FNDC3B: variants seen among roughly 807,000 people sequenced by gnomAD.
FNDC3B encodes fibronectin type III domain-containing protein 3B.
Under a neutral mutation model 151.5 loss-of-function variants are expected in FNDC3B, and 12 were observed. That is an observed-to-expected ratio of 0.08 (90% CI 0.05 to 0.13). The LOEUF is 0.13. Ranked by LOEUF, FNDC3B falls within the 10% of genes least tolerant of loss-of-function variation. The pLI, the probability that FNDC3B is intolerant of heterozygous loss-of-function variation, is 1.00. For synonymous variants in FNDC3B, 528 were observed against 549.0 expected (o/e 0.96, Z 0.54); for missense variants, 1,214 against 1,505.3 (o/e 0.81, Z 3.20).
rs189931064 is a variant in FNDC3B at position 172,291,485 on chromosome 3, A to G, written c.850-3878A>G. On this transcript the variant is annotated intron_variant, in intron 7 of 25. Transcript: ENST00000415807. ...AGGAATGATTTATAATTAGTATGTG[A>G]CCACTTAGTAGTAGGAAGTAATTTT... Among the ~76,000 whole-genome samples the G allele has an allele frequency of 2.7e-3, 404 of 152,324 alleles. 5 individuals carry two copies. Among genetic ancestry groups the G allele is most frequent in the Middle Eastern group, 0.01 (3 of 294 alleles).
At chr3:172,154,612 C>T (rs566569774) in intron 3 of FNDC3B, among the ~76,000 whole-genome samples, 39 of 152,222 alleles carry the variant, frequency 2.6e-4, no homozygotes, top group Middle Eastern at 3.4e-3. Context: ...GCAGAGAGGC[C>T]GGAGCCCAGC....
chr3:172,289,833 T>TTA lies in FNDC3B; in HGVS notation c.849+3849_849+3850insTA, dbSNP rs1405572051. ...CAATCTGGCACTCTGGGTTGGGACTTGCATTGGCTGTTACCTGTCTTTGTG... is the reference window on the plus strand; with the variant it reads ...CAATCTGGCACTCTGGGTTGGGACTTTAGCATTGGCTGTTACCTGTCTTTGTG... On this transcript the variant is annotated intron_variant, in intron 7 of 25. Transcript: ENST00000415807. 9.2e-5 allele frequency among the ~76,000 whole-genome samples: 14 copies of TTA among 152,350 alleles called. No individual in the cohort carries two copies. In the East Asian group the frequency reaches 2.7e-3, roughly 29 times the overall value.
chr3:172,346,506 T>C, intron 20 of FNDC3B, 66 bp downstream of exon 20: 1 of 980,232 alleles, frequency 1.0e-6, no homozygotes, highest in Non-Finnish European at 1.6e-6. Flanking sequence ...CAAATACCAA[T>C]TATAAGGAAG....
At chr3:172,249,130 T>G (rs895115532) in intron 5 of FNDC3B, among the ~76,000 whole-genome samples, 8 of 152,170 alleles carry the variant, frequency 5.3e-5, no homozygotes, top group African/African-American at 1.9e-4. Flanking sequence ...TTCAGTGCTT[T>G]GACTCAACAT....
intron 1 of FNDC3B, among the ~76,000 whole-genome samples, chr3:172,076,599 CTTA>C (rs1718022314): frequency 6.6e-6 from 1 of 152,100 alleles, no homozygotes; most frequent in African/African-American, 2.4e-5. Context: ...TGTTGTTTCC[CTTA>C]TTATTTTTAA....
At chr3:172,127,710 G>C (rs1289428462) in intron 2 of FNDC3B, among the ~76,000 whole-genome samples, 4 of 152,222 alleles carry the variant, frequency 2.6e-5, no homozygotes, top group African/African-American at 9.6e-5. Flanking sequence ...TTTTGAGACA[G>C]TCTCACTGTG....
At chr3:172,361,608 T>G (rs182752941) in intron 22 of FNDC3B, among the ~76,000 whole-genome samples, 2 of 152,320 alleles carry the variant, frequency 1.3e-5, no homozygotes, top group Non-Finnish European at 2.9e-5. Context: ...TGACCACTTA[T>G]TCAGTGTCTA....
intron 7 of FNDC3B, among the ~76,000 whole-genome samples, chr3:172,293,298 T>G (rs9846921): frequency 0.29 from 44,214 of 151,724 alleles, 7,562 homozygotes; most frequent in African/African-American, 0.46. Context: ...ATCCTGGAGG[T>G]TTGGTCACAG....
At chr3:172,178,565 C>T (rs1723725767) in intron 3 of FNDC3B, among the ~76,000 whole-genome samples, 1 of 152,120 alleles carries the variant, frequency 6.6e-6, no homozygotes, top group Non-Finnish European at 1.5e-5. Flanking sequence ...TAAAGCTTGG[C>T]ATTGGTTTAG....
At chr3:172,150,606 CT>C (rs894510760) in intron 3 of FNDC3B, among the ~76,000 whole-genome samples, 6 of 150,730 alleles carry the variant, frequency 4.0e-5, no homozygotes, top group African/African-American at 1.5e-4. Flanking sequence ...ATGCATCATT[CT>C]TTTTTTTTAA....
In FNDC3B at chr3:172,196,795, A is replaced by G. The variant is rs964635825; in HGVS notation, c.188-30076A>G. Among the ~76,000 whole-genome samples, 4 of 152,210 alleles carry G rather than the reference A, an allele frequency of 2.6e-5. No homozygotes were observed. In the East Asian group the frequency reaches 7.7e-4, roughly 29 times the overall value. On this transcript the variant is annotated intron_variant, in intron 3 of 25. Transcript: ENST00000415807. ...TTTCGCTTTTTCTTGTCCAAAGAAG[A>G]CAGCCGGAGCTCTCAGAGTAAGTGA... is the stretch of plus-strand genomic sequence containing the variant.
At chr3:172,198,115 T>C (rs1409238265) in intron 3 of FNDC3B, among the ~76,000 whole-genome samples, 2 of 152,244 alleles carry the variant, frequency 1.3e-5, no homozygotes, top group Admixed American at 6.5e-5. Context: ...GCTTTTAACA[T>C]GTCCTCTTCA....
intron 4 of FNDC3B, among the ~76,000 whole-genome samples, chr3:172,244,250 CA>C (rs1727657014): frequency 6.6e-6 from 1 of 152,106 alleles, no homozygotes; most frequent in Admixed American, 6.5e-5. Context: ...TTTCCTACAC[CA>C]CAAAAGGAAA....
At chr3:172,316,000 C>CTTTTTT (rs555242809) in intron 11 of FNDC3B, among the ~76,000 whole-genome samples, 325 of 79,666 alleles carry the variant, frequency 4.1e-3, no homozygotes, top group Non-Finnish European at 6.3e-3. Context: ...CTTTCTTCTT[C>CTTTTTT]TTTTTTTTTT....
At chr3:172,355,306 G>A (rs1360605598) in intron 22 of FNDC3B, among the ~76,000 whole-genome samples, 2 of 152,102 alleles carry the variant, frequency 1.3e-5, no homozygotes, top group African/African-American at 4.8e-5. Flanking sequence ...AGTGACAGGG[G>A]CAGTGGTTCT....
chr3:172,214,328 A>G (rs1576804228), intron 3 of FNDC3B, among the ~76,000 whole-genome samples: 1 of 152,220 alleles, frequency 6.6e-6, no homozygotes, highest in Non-Finnish European at 1.5e-5. Context: ...GACTGGAACT[A>G]TATACATCAA....
chr3:172,364,908 G>A (rs1389406846), intron 23 of FNDC3B, among the ~76,000 whole-genome samples: 1 of 152,180 alleles, frequency 6.6e-6, no homozygotes, highest in East Asian at 1.9e-4. Context: ...AATTAGATTT[G>A]TCAGTGCTCT....
At chr3:172,109,244 C>A (rs1163470497) in intron 1 of FNDC3B, among the ~76,000 whole-genome samples, 2 of 149,966 alleles carry the variant, frequency 1.3e-5, no homozygotes, top group Non-Finnish European at 3.0e-5. Flanking sequence ...CGGCTCCCTG[C>A]AAGCTCCGCC....
intron 1 of FNDC3B, among the ~76,000 whole-genome samples, chr3:172,086,985 C>T (rs1718577527): frequency 6.6e-6 from 1 of 152,180 alleles, no homozygotes; most frequent in Non-Finnish European, 1.5e-5. Context: ...TGGTGAGTTC[C>T]TGGCTTCACA....
Sources: allele counts gnomAD v4.1 joint callset (sites outside exome capture counted in the v4.1 genomes callset), GRCh38; gene constraint gnomAD v4.1.1; transcripts MANE v1.5; gene names NCBI Gene and HGNC (gene_info 2026-07-23, HGNC 2026-07-21).